Variants in FGF12 observed in about 807,000 individuals in gnomAD.
FGF12 encodes fibroblast growth factor 12.
A neutral mutation model predicts 23.6 loss-of-function variants in FGF12; 14 were observed. That is an observed-to-expected ratio of 0.59 (90% CI 0.39 to 0.93). The LOEUF is 0.93. FGF12 is among the 40% of genes least tolerant of loss of function. The probability of loss-of-function intolerance (pLI) is 0.00; values close to 1 mark genes in which losing one functional copy is unlikely to be tolerated. For missense variants in FGF12, 175 were observed against 217.8 expected, an observed-to-expected ratio of 0.80 and a Z score of 1.24; for synonymous variants, 62 against 77.3, an observed-to-expected ratio of 0.80 and a Z score of 1.04.
At chr3:192,477,781 C>A (rs1723368955) in intron 2 of FGF12, among the ~76,000 whole-genome samples, 1 of 152,080 alleles carries the variant, frequency 6.6e-6, no homozygotes, top group Admixed American at 6.6e-5. Flanking sequence ...CACTCGAAAC[C>A]ACATATTTAT....
intron 4 of FGF12, among the ~76,000 whole-genome samples, chr3:192,316,389 T>A (rs1577346979): frequency 6.6e-6 from 1 of 152,176 alleles, no homozygotes; most frequent in Non-Finnish European, 1.5e-5. Context: ...ATGAATCACC[T>A]ATATCACCAC....
chr3:192,397,409 A>G (rs750665754), intron 2 of FGF12, among the ~76,000 whole-genome samples: 2 of 152,224 alleles, frequency 1.3e-5, no homozygotes, highest in Non-Finnish European at 2.9e-5. Flanking sequence ...CTGGGTTTCT[A>G]TCATTGTGAC....
intron 2 of FGF12, among the ~76,000 whole-genome samples, chr3:192,598,309 T>A (rs1713952605): frequency 6.6e-6 from 1 of 152,190 alleles, no homozygotes; most frequent in Non-Finnish European, 1.5e-5. Context: ...GAATATTTTA[T>A]ACTGTCGAGG....
chr3:192,499,727 T>G (rs1724076505), intron 2 of FGF12, among the ~76,000 whole-genome samples: 1 of 150,622 alleles, frequency 6.6e-6, no homozygotes. Flanking sequence ...GAGATGGAGT[T>G]TCTACTAAAA....
At chr3:192,502,891 G>A (rs187975361) in intron 2 of FGF12, among the ~76,000 whole-genome samples, 2 of 152,344 alleles carry the variant, frequency 1.3e-5, no homozygotes, top group East Asian at 3.9e-4. Flanking sequence ...GGCTGTAGAA[G>A]CAGTGATAGC....
rs555708743 is a variant in FGF12, at chr3:192,143,165, A to T, written c.*844T>A. The T allele has an allele frequency of 1.7e-4, 25 of 151,498 alleles. No individual in the cohort carries two copies. Among genetic ancestry groups the T allele is most frequent in the African/African-American group, 5.8e-4 (24 of 41,352 alleles). The allele number at this position is 151,498 out of a possible 1,614,324, so 9.4% of individuals were successfully genotyped here. ...GTAACTTATACCTCACCACCTGGAC[A>T]TGGCACTGGCAAAAGTCACTTCAGC... is the stretch of plus-strand genomic sequence containing the variant. On this transcript the variant is annotated 3_prime_UTR_variant, in exon 6 of 6. Transcript: ENST00000445105.
intron 2 of FGF12, among the ~76,000 whole-genome samples, chr3:192,522,193 G>A (rs867786349): frequency 6.1e-5 from 6 of 97,766 alleles, no homozygotes; most frequent in Admixed American, 5.8e-4. Context: ...GCGAGACTCC[G>A]TCTCAAAAAA....
chr3:192,356,745 T>C (rs931887589), intron 3 of FGF12, among the ~76,000 whole-genome samples: 3 of 152,192 alleles, frequency 2.0e-5, no homozygotes, highest in African/African-American at 2.4e-5. Flanking sequence ...CAGATGCTCA[T>C]AGTAACAAGA....
At chr3:192,478,246 G>T (rs901964175) in intron 2 of FGF12, among the ~76,000 whole-genome samples, 2 of 152,020 alleles carry the variant, frequency 1.3e-5, no homozygotes, top group African/African-American at 4.8e-5. Context: ...CAAGAAGCAG[G>T]TACAACAGTT....
At chr3:192,499,575 A>G (rs1181769635) in intron 2 of FGF12, among the ~76,000 whole-genome samples, 1 of 112,642 alleles carries the variant, frequency 8.9e-6, no homozygotes, top group Non-Finnish European at 1.7e-5. Flanking sequence ...TCGGTCGCCC[A>G]GGCTGGAGTG....
intron 4 of FGF12, among the ~76,000 whole-genome samples, chr3:192,309,532 A>T (rs912551158): frequency 1.3e-5 from 2 of 152,162 alleles, no homozygotes; most frequent in Non-Finnish European, 2.9e-5. Context: ...ACAAAAGTAC[A>T]AACTCAACCT....
At chr3:192,482,312 AGAG>A (rs1723502307) in intron 2 of FGF12, among the ~76,000 whole-genome samples, 1 of 152,214 alleles carries the variant, frequency 6.6e-6, no homozygotes, top group Admixed American at 6.5e-5. Context: ...AAAAGTCAAC[AGAG>A]AAGAGAACAG....
At chr3:192,488,452 T>C (rs1723703260) in intron 2 of FGF12, among the ~76,000 whole-genome samples, 1 of 152,078 alleles carries the variant, frequency 6.6e-6, no homozygotes, top group Non-Finnish European at 1.5e-5. Context: ...GGAAAAGACA[T>C]TCATCAGACT....
chr3:192,175,323 T>C (rs9833235), intron 4 of FGF12, among the ~76,000 whole-genome samples: 42,453 of 151,590 alleles, frequency 0.28, 8,318 homozygotes, highest in African/African-American at 0.55. Context: ...AGTCATGTTG[T>C]ATCTCATGAG....
chr3:192,179,641 G>T (rs1360244476), intron 4 of FGF12, among the ~76,000 whole-genome samples: 1 of 151,772 alleles, frequency 6.6e-6, no homozygotes, highest in Non-Finnish European at 1.5e-5. Context: ...CGCCTCCCGG[G>T]TTCAAGTGAT....
chr3:192,437,069 A>G (rs1448466536), intron 2 of FGF12, among the ~76,000 whole-genome samples: 1 of 152,336 alleles, frequency 6.6e-6, no homozygotes, highest in African/African-American at 2.4e-5. Flanking sequence ...TGAATAGTGT[A>G]TAATTCCTTA....
At chr3:192,495,482 G>GT (rs1347295493) in intron 2 of FGF12, among the ~76,000 whole-genome samples, 2 of 152,110 alleles carry the variant, frequency 1.3e-5, no homozygotes, top group Non-Finnish European at 2.9e-5. Flanking sequence ...ATATGTGTGT[G>GT]TAAGTCTTTA....
intron 4 of FGF12, among the ~76,000 whole-genome samples, chr3:192,266,442 A>T (rs1030459509): frequency 1.3e-5 from 2 of 152,162 alleles, no homozygotes; most frequent in African/African-American, 4.8e-5. Flanking sequence ...AATAATAGGC[A>T]ACATGTTATC....
chr3:192,158,332 C>CTTTCTT (rs1459698854), intron 5 of FGF12, among the ~76,000 whole-genome samples: 4,529 of 112,198 alleles, frequency 0.04, 169 homozygotes, highest in East Asian at 0.089. Context: ...TTCTTTCTTT[C>CTTTCTT]TCTTTCTTTC....
Sources: allele counts gnomAD v4.1 joint callset (sites outside exome capture counted in the v4.1 genomes callset), GRCh38; gene constraint gnomAD v4.1.1; transcripts MANE v1.5; gene names NCBI Gene and HGNC (gene_info 2026-07-23, HGNC 2026-07-21).